The following CPED1 variants were observed in gnomAD, a reference collection of about 807,000 sequenced individuals.
CPED1 encodes the protein cadherin like and PC-esterase domain containing 1.
A neutral mutation model predicts 128.2 loss-of-function variants in CPED1; 114 were observed. That is an observed-to-expected ratio of 0.89 (90% CI 0.76 to 1.04). The LOEUF is 1.04. Ranked by LOEUF, CPED1 falls within the 50% of genes least tolerant of loss-of-function variation. The pLI is 0.00. For missense variants in CPED1, 1,211 were observed against 1,207.1 expected, an observed-to-expected ratio of 1.00 and a Z score of -0.05; for synonymous variants, 462 against 426.7, an observed-to-expected ratio of 1.08 and a Z score of -1.02.
chr7:121,029,704 C>T (rs919002383), intron 3 of CPED1, among the ~76,000 whole-genome samples: 1 of 152,142 alleles, frequency 6.6e-6, no homozygotes, highest in Non-Finnish European at 1.5e-5. Context: ...GAAATTTCTA[C>T]TTTATAATCG....
chr7:121,216,032 T>C (rs1260987909), intron 16 of CPED1, among the ~76,000 whole-genome samples: 1 of 152,064 alleles, frequency 6.6e-6, no homozygotes. Context: ...AGCTACTAAG[T>C]GGCATAGCCT....
Position 121,187,736 on chromosome 7 carries a change from T to C in CPED1, c.2055+45595T>C, listed in dbSNP as rs138294349. On this transcript the variant is annotated intron_variant, in intron 16 of 22. Coordinates refer to ENST00000310396, the MANE Select transcript of CPED1 (RefSeq NM_024913.5). ...TTGAGAAGCAAAACAAAGTATAGTTTTGCAACCCAGAATTATAAAATCTCT... is the reference window on the plus strand; with the variant it reads ...TTGAGAAGCAAAACAAAGTATAGTTCTGCAACCCAGAATTATAAAATCTCT... Among the ~76,000 whole-genome samples the C allele has an allele frequency of 5.9e-5, 9 of 152,220 alleles. No individual in the cohort carries two copies. In the East Asian group the frequency reaches 1.5e-3, roughly 26 times the overall value.
intron 22 of CPED1, among the ~76,000 whole-genome samples, chr7:121,280,659 T>C (rs1792444771): frequency 6.6e-6 from 1 of 152,236 alleles, no homozygotes; most frequent in East Asian, 1.9e-4. Context: ...TTATTTCATG[T>C]GGCCATAATT....
chr7:121,002,236 G>C (rs1157409832), intron 2 of CPED1, among the ~76,000 whole-genome samples: 1 of 152,080 alleles, frequency 6.6e-6, no homozygotes, highest in Non-Finnish European at 1.5e-5. Flanking sequence ...TTCTTCCCTA[G>C]TGGAAAATCT....
At chr7:121,212,156 G>GGA (rs1797660360) in intron 16 of CPED1, among the ~76,000 whole-genome samples, 2 of 152,010 alleles carry the variant, frequency 1.3e-5, no homozygotes, top group Admixed American at 1.3e-4. Flanking sequence ...GTTGGGTTCT[G>GGA]AACAAACTGC....
intron 16 of CPED1, among the ~76,000 whole-genome samples, chr7:121,146,378 A>G (rs760148368): frequency 3.9e-4 from 60 of 152,240 alleles, no homozygotes; most frequent in Middle Eastern, 3.4e-3. Context: ...TCTTAATACC[A>G]TCACAATGGG....
intron 2 of CPED1, among the ~76,000 whole-genome samples, chr7:121,012,895 T>C (rs1792197032): frequency 6.6e-6 from 1 of 152,214 alleles, no homozygotes; most frequent in South Asian, 2.1e-4. Flanking sequence ...GTTACATTGT[T>C]CTTGCTTAAA....
At chr7:121,087,684 A>G (rs1794466851) in intron 5 of CPED1, among the ~76,000 whole-genome samples, 1 of 47,454 alleles carries the variant, frequency 2.1e-5, no homozygotes, top group Non-Finnish European at 4.1e-5. Flanking sequence ...TTTTTTTGGC[A>G]GAGTCTTTCT....
chr7:121,265,997 T>C (rs1752242150), intron 18 of CPED1, among the ~76,000 whole-genome samples: 1 of 151,890 alleles, frequency 6.6e-6, no homozygotes, highest in South Asian at 2.1e-4. Flanking sequence ...AAACAAGTGG[T>C]AAATATGAGT....
chr7:121,028,523 A>G (rs1320009219), intron 3 of CPED1, among the ~76,000 whole-genome samples: 1 of 152,186 alleles, frequency 6.6e-6, no homozygotes, highest in Non-Finnish European at 1.5e-5. Flanking sequence ...AGTCAAAGCC[A>G]ATGATCTCAT....
chr7:121,284,380 T>C (rs1792522470), intron 22 of CPED1, among the ~76,000 whole-genome samples: 1 of 152,090 alleles, frequency 6.6e-6, no homozygotes, highest in Non-Finnish European at 1.5e-5. Flanking sequence ...CCTCTCCAAA[T>C]CTCATGTCCT....
chr7:121,211,868 G>C (rs1478065746), intron 16 of CPED1, among the ~76,000 whole-genome samples: 1 of 152,070 alleles, frequency 6.6e-6, no homozygotes, highest in Non-Finnish European at 1.5e-5. Flanking sequence ...TCAAATCACA[G>C]CAACAGCATT....
chr7:121,107,158 G>C (rs751224048), intron 7 of CPED1, among the ~76,000 whole-genome samples: 3 of 152,072 alleles, frequency 2.0e-5, no homozygotes, highest in Non-Finnish European at 4.4e-5. Flanking sequence ...CATGAATTAA[G>C]GCAAAACTCC....
chr7:121,022,932 A>G (rs1017558992), intron 3 of CPED1, among the ~76,000 whole-genome samples: 2 of 152,046 alleles, frequency 1.3e-5, no homozygotes, highest in Non-Finnish European at 2.9e-5. Context: ...TCTAGAAAAA[A>G]AAGACACCAT....
chr7:121,185,897 A>G (rs1796990873), intron 16 of CPED1, among the ~76,000 whole-genome samples: 1 of 152,220 alleles, frequency 6.6e-6, no homozygotes, highest in Non-Finnish European at 1.5e-5. Flanking sequence ...CGTGCTGGGA[A>G]GATTTCAGTG....
chr7:121,201,266 C>T (rs981282929), intron 16 of CPED1, among the ~76,000 whole-genome samples: 5 of 151,982 alleles, frequency 3.3e-5, no homozygotes, highest in Admixed American at 6.6e-5. Flanking sequence ...CACCCCGCTC[C>T]ACCAAAAATA....
At chr7:121,079,250 A>G (rs181000159) in intron 5 of CPED1, among the ~76,000 whole-genome samples, 2 of 152,296 alleles carry the variant, frequency 1.3e-5, no homozygotes, top group Admixed American at 6.5e-5. Context: ...GATTCATGAT[A>G]TCACATGGAA....
chr7:121,271,260 C>A, intron 21 of CPED1, 24 bp from the exon 22 acceptor site: 2 of 1,577,714 alleles, frequency 1.3e-6, no homozygotes, highest in South Asian at 1.2e-5. Context: ...AATAAAAATT[C>A]TCATTCTTCT....
chr7:121,051,568 A>G (rs889000194), intron 4 of CPED1: 23 of 390,320 alleles, frequency 5.9e-5, no homozygotes, highest in Non-Finnish European at 1.0e-4. Context: ...CCTGCATTTA[A>G]TGTCTTGAAC....
Sources: allele counts gnomAD v4.1 joint callset (sites outside exome capture counted in the v4.1 genomes callset), GRCh38; gene constraint gnomAD v4.1.1; transcripts MANE v1.5; gene names NCBI Gene and HGNC (gene_info 2026-07-23, HGNC 2026-07-21).